Variants in CCDC14 observed in about 807,000 individuals in gnomAD.
The protein encoded by CCDC14 is coiled-coil domain containing 14, also known as coiled-coil domain-containing protein 14.
CCDC14 carries 71 observed loss-of-function variants against 81.4 expected under a neutral mutation model. The observed-to-expected ratio is 0.87, with a 90% CI of 0.72 to 1.06. CCDC14 has a LOEUF of 1.06. Ranked by LOEUF, CCDC14 falls within the 50% of genes least tolerant of loss-of-function variation. The pLI is 0.00. For synonymous variants in CCDC14, 332 were observed against 364.8 expected, an observed-to-expected ratio of 0.91 and a Z score of 1.03; for missense variants, 1,046 against 1,047.3, an observed-to-expected ratio of 1.00 and a Z score of 0.02.
At chr3:123,892,418 T>C (rs2034002917), downstream of CCDC14, among the ~76,000 whole-genome samples, 1 of 150,930 alleles carries the variant, frequency 6.6e-6, no homozygotes, top group Non-Finnish European at 1.5e-5. Context: ...CATGAAACAT[T>C]TTTCCCTCCT....
intron 8 of CCDC14, among the ~76,000 whole-genome samples, chr3:123,945,915 G>C (rs1396675316): frequency 6.6e-6 from 1 of 152,120 alleles, no homozygotes; most frequent in South Asian, 2.1e-4. Flanking sequence ...ACATAGGGCT[G>C]CTGGGAGGAT....
chr3:123,959,164 T>C (rs1032038845), intron 1 of CCDC14, among the ~76,000 whole-genome samples: 1 of 152,232 alleles, frequency 6.6e-6, no homozygotes, highest in Non-Finnish European at 1.5e-5. Flanking sequence ...TTCCCAGAAG[T>C]AGAATTGCTG....
At chr3:123,913,288 C>G (rs186997509), downstream of CCDC14, 314 of 669,666 alleles carry the variant, frequency 4.7e-4, 2 homozygotes, top group African/African-American at 3.2e-3. Flanking sequence ...AACACACAAG[C>G]GTTTAAAAAT....
chr3:123,918,724 C>T (rs941089829), intron 12 of CCDC14, among the ~76,000 whole-genome samples: 3 of 152,166 alleles, frequency 2.0e-5, no homozygotes, highest in African/African-American at 7.2e-5. Flanking sequence ...CTGTATTACC[C>T]CATTTGTTCC....
rs116685860 is a variant in CCDC14 at position 123,908,176 on chromosome 3, A to G, written c.668-10563T>C. Among the ~76,000 whole-genome samples, 1,024 of 152,306 alleles carry G rather than the reference A, an allele frequency of 6.7e-3. 15 individuals are homozygous for G. The highest frequency in any genetic ancestry group is 0.024 in the African/African-American group (990 of 41,560). ...AAAAAAGAAAGAGCAACCCAAAGCT[A>G]AAATTCTGTAAGATACCAACGTGGT... On this transcript the variant is annotated intron_variant, in intron 5 of 5. Transcript: ENST00000479903.
intron 5 of CCDC14, among the ~76,000 whole-genome samples, chr3:123,899,779 G>A (rs573316447): frequency 2.6e-5 from 4 of 152,292 alleles, no homozygotes; most frequent in African/African-American, 9.6e-5. Flanking sequence ...GTAAACGTCT[G>A]TAGCTGACCA....
chr3:123,908,759 T>C (rs997781608), downstream of CCDC14, among the ~76,000 whole-genome samples: 21 of 152,102 alleles, frequency 1.4e-4, no homozygotes, highest in Non-Finnish European at 2.5e-4. Context: ...GAGGTAGTGA[T>C]GGTGGACTGA....
At position 123,915,041 on chromosome 3, in the gene CCDC14, A is replaced by G. The variant is rs1231280051; in HGVS notation, c.2456T>C (p.Ile819Thr). The G allele has an allele frequency of 6.2e-7, 1 of 1,614,010 alleles. No individual in the cohort carries two copies. The highest frequency in any genetic ancestry group is 1.7e-5 in the Admixed American group (1 of 60,024). ...LKKIKEAIGK[I>T]PAATKEPEEQ... ...CTCTGGCTCCTTGGTGGCAGCAGGGATCTTACCAATTGCTTCCTTTATTTT... is the reference window on the plus strand; with the variant it reads ...CTCTGGCTCCTTGGTGGCAGCAGGGGTCTTACCAATTGCTTCCTTTATTTT... Residue 819 changes from isoleucine (I) to threonine (T), a missense_variant, in exon 13 of 13, where the codon ATC becomes ACC. Physicochemically the swap from Ile to Thr is moderately conservative, Grantham distance 89. Coordinates refer to ENST00000409697, the MANE Select transcript of CCDC14 (RefSeq NM_001366335.1).
rs532922224 is a variant in CCDC14, at chr3:123,928,028, G to A, written c.1778+3074C>T. Among the ~76,000 whole-genome samples the A allele has an allele frequency of 1.2e-4, 18 of 152,262 alleles. No homozygotes were observed. The South Asian group carries it at 3.7e-3, about 32-fold the overall frequency. On this transcript the variant is annotated intron_variant, in intron 12 of 12. Transcript: ENST00000409697. ...GGCTCTGGTCCTAGTTCAGACACTA[G>A]CTGTGAAAGTCAGGTAAGTCCCTTT... is the stretch of plus-strand genomic sequence containing the variant.
chr3:123,944,694 C>A (rs2036532461), intron 9 of CCDC14, among the ~76,000 whole-genome samples, 155 bp downstream of exon 9: 1 of 152,056 alleles, frequency 6.6e-6, no homozygotes, highest in Admixed American at 6.6e-5. Flanking sequence ...TTAGAGAATG[C>A]TGGAAATCTC....
In CCDC14 at chr3:123,928,333, T is replaced by TAAAA. The variant is rs36006823; in HGVS notation, c.1778+2765_1778+2768dup. 1.5e-3 allele frequency among the ~76,000 whole-genome samples: 113 copies of TAAAA among 76,288 alleles called. 2 individuals carry two copies. Among genetic ancestry groups the TAAAA allele is most frequent in the East Asian group, 7.0e-3 (17 of 2,412 alleles). The allele number at this position is 76,288 out of a possible 152,430, so 50.0% of individuals were successfully genotyped here. On this transcript the variant is annotated intron_variant, in intron 12 of 12. Transcript: ENST00000409697. ...TAACATGGTGAAACCCAGTCTCTACTAAAAAAAAAAAAAAAAAAAAAAAAT... is the reference window on the plus strand; with the variant it reads ...TAACATGGTGAAACCCAGTCTCTACTAAAAAAAAAAAAAAAAAAAAAAAAAAAAT...
chr3:123,909,035 C>A (rs550206742), downstream of CCDC14, among the ~76,000 whole-genome samples: 16 of 152,172 alleles, frequency 1.1e-4, no homozygotes, highest in East Asian at 3.1e-3. Context: ...TTACTACTTT[C>A]TTCTTGCCAA....
At chr3:123,908,949 T>C (rs1577207860), downstream of CCDC14, among the ~76,000 whole-genome samples, 1 of 152,332 alleles carries the variant, frequency 6.6e-6, no homozygotes, top group East Asian at 1.9e-4. Flanking sequence ...TCTAATCATA[T>C]TGACTGACCT....
intron 5 of CCDC14, among the ~76,000 whole-genome samples, chr3:123,907,323 T>C (rs1284498548): frequency 6.6e-6 from 1 of 152,166 alleles, no homozygotes; most frequent in East Asian, 1.9e-4. Context: ...ATTCTTCCAC[T>C]TGGGAATAGG....
chr3:123,932,714 T>C (rs2035807270), intron 10 of CCDC14, among the ~76,000 whole-genome samples: 1 of 152,214 alleles, frequency 6.6e-6, no homozygotes, highest in South Asian at 2.1e-4. Flanking sequence ...TATTAAGCTC[T>C]GTGATCATTA....
At chr3:123,909,934 A>G (rs1322483216), downstream of CCDC14, among the ~76,000 whole-genome samples, 1 of 152,210 alleles carries the variant, frequency 6.6e-6, no homozygotes, top group Admixed American at 6.5e-5. Flanking sequence ...TTAAGCAAGT[A>G]TCTTTAAATA....
intron 12 of CCDC14, among the ~76,000 whole-genome samples, chr3:123,929,376 T>C (rs993642604): frequency 2.0e-5 from 3 of 152,174 alleles, no homozygotes; most frequent in East Asian, 1.9e-4. Context: ...AGTGGCATGA[T>C]AGTGGCTCAC....
At chr3:123,901,912 G>A (rs1413077422) in intron 5 of CCDC14, among the ~76,000 whole-genome samples, 1 of 152,022 alleles carries the variant, frequency 6.6e-6, no homozygotes. Flanking sequence ...ATATGAATAT[G>A]ATTCAAGTTC....
intron 9 of CCDC14, among the ~76,000 whole-genome samples, chr3:123,938,962 A>G (rs2036202777): frequency 1.3e-5 from 2 of 151,982 alleles, no homozygotes; most frequent in Non-Finnish European, 2.9e-5. Context: ...ATCTATAACC[A>G]TAATTTCCAC....
Sources: gnomAD v4.1 joint callset for allele counts (sites outside exome capture counted in the v4.1 genomes callset) on GRCh38, gnomAD v4.1.1 for gene constraint, MANE v1.5 for transcripts, NCBI Gene and HGNC (gene_info 2026-07-23, HGNC 2026-07-21) for gene names.